The following GALNTL6 variants were observed in gnomAD, a reference collection of about 807,000 sequenced individuals.
GALNTL6 encodes the protein polypeptide N-acetylgalactosaminyltransferase-like 6.
GALNTL6 carries 46 observed loss-of-function variants against 73.7 expected under a neutral mutation model. The ratio of observed to expected loss-of-function variants is 0.62; its 90% CI spans 0.49 to 0.80. The LOEUF (loss-of-function observed/expected upper bound fraction) is 0.80. Among genes scored for constraint, GALNTL6 ranks in the 30% least tolerant of loss-of-function variants. The pLI is 0.00. For missense variants in GALNTL6, 604 were observed against 755.0 expected (o/e 0.80, Z 2.34); for synonymous variants, 259 against 263.7 (o/e 0.98, Z 0.17).
At chr4:172,129,118 T>C (rs756143809) in intron 2 of GALNTL6, among the ~76,000 whole-genome samples, 1 of 152,214 alleles carries the variant, frequency 6.6e-6, no homozygotes, top group Non-Finnish European at 1.5e-5. Flanking sequence ...AGTCATTAAT[T>C]TGAAAGCCCT....
chr4:172,813,399 T>C (rs1741421838), intron 6 of GALNTL6, 141 bp from the exon 7 acceptor site: 2 of 548,578 alleles, frequency 3.6e-6, no homozygotes, highest in Non-Finnish European at 6.3e-6. Flanking sequence ...CAGAGATTCC[T>C]GAAAAGGGCT....
rs1048700060 is a variant in GALNTL6 at position 172,214,136 on chromosome 4, A to G, written c.139-15520A>G. Among the ~76,000 whole-genome samples the G allele has an allele frequency of 3.9e-5, 6 of 152,222 alleles. No individual in the cohort carries two copies. In the East Asian group the frequency reaches 9.7e-4, roughly 24 times the overall value. ...TTGTGCATGTTTATTTCTGGCATCTATATTCTGTTCTGTTGACCTGTGTGT... is the reference window on the plus strand; with the variant it reads ...TTGTGCATGTTTATTTCTGGCATCTGTATTCTGTTCTGTTGACCTGTGTGT... On this transcript the variant is annotated intron_variant, in intron 2 of 12. Coordinates refer to ENST00000506823, the MANE Select transcript of GALNTL6 (RefSeq NM_001034845.3).
intron 2 of GALNTL6, among the ~76,000 whole-genome samples, chr4:172,125,383 A>T (rs1733266739): frequency 6.6e-6 from 1 of 152,200 alleles, no homozygotes. Context: ...ATTTTTTTTA[A>T]ACATATTTCG....
chr4:172,664,345 C>G (rs529455909), intron 5 of GALNTL6, among the ~76,000 whole-genome samples: 1 of 152,330 alleles, frequency 6.6e-6, no homozygotes, highest in Admixed American at 6.5e-5. Context: ...CAGCCTCTGT[C>G]CCTTTAAGTT....
intron 3 of GALNTL6, among the ~76,000 whole-genome samples, chr4:172,255,052 G>T (rs1337463816): frequency 6.6e-6 from 1 of 151,650 alleles, no homozygotes; most frequent in Admixed American, 6.6e-5. Flanking sequence ...TGCTGTAGGG[G>T]TTTATGTCCT....
intron 10 of GALNTL6, 61 bp downstream of exon 10, chr4:172,952,319 C>G: frequency 8.1e-7 from 1 of 1,227,504 alleles, no homozygotes; most frequent in Non-Finnish European, 1.2e-6. Flanking sequence ...CCCCCATAGC[C>G]TCAGGTGGTG....
intron 2 of GALNTL6, among the ~76,000 whole-genome samples, chr4:172,228,439 G>T (rs1004847948): frequency 6.6e-6 from 1 of 151,964 alleles, no homozygotes; most frequent in Admixed American, 6.6e-5. Flanking sequence ...TTTAAGAAAA[G>T]AATATTATGC....
chr4:172,101,324 T>G (rs1732511514), intron 2 of GALNTL6, among the ~76,000 whole-genome samples: 1 of 152,202 alleles, frequency 6.6e-6, no homozygotes, highest in African/African-American at 2.4e-5. Flanking sequence ...AAATTCAGCT[T>G]TTCTCAGAGC....
intron 2 of GALNTL6, among the ~76,000 whole-genome samples, chr4:172,037,238 G>A (rs888977196): frequency 6.6e-6 from 1 of 151,976 alleles, no homozygotes; most frequent in Non-Finnish European, 1.5e-5. Context: ...GTTTATACAT[G>A]GGTTGTTTAG....
At chr4:172,795,078 G>T (rs900631724) in intron 5 of GALNTL6, among the ~76,000 whole-genome samples, 1 of 152,140 alleles carries the variant, frequency 6.6e-6, no homozygotes, top group Admixed American at 6.5e-5. Flanking sequence ...AAAATCCCTC[G>T]CAAAATGGAG....
chr4:172,658,599 T>C (rs1043520581), intron 5 of GALNTL6, among the ~76,000 whole-genome samples: 1 of 151,804 alleles, frequency 6.6e-6, no homozygotes, highest in Non-Finnish European at 1.5e-5. Context: ...AGGAATGAAA[T>C]GTCTTCCCAA....
intron 2 of GALNTL6, among the ~76,000 whole-genome samples, chr4:171,905,762 A>T (rs538418888): frequency 6.6e-6 from 1 of 151,496 alleles, no homozygotes; most frequent in Admixed American, 6.6e-5. Context: ...TCCTCAGCAA[A>T]TATAAAAGAA....
intron 2 of GALNTL6, among the ~76,000 whole-genome samples, chr4:172,177,785 A>AGGTGTATATATATACACACACATATATG (rs1491090289): frequency 1.6e-5 from 1 of 63,994 alleles, no homozygotes; most frequent in Non-Finnish European, 4.1e-5. Flanking sequence ...ATATATACAC[A>AGGTGTATATATATACACACACATATATG]TGTGTATATA....
intron 2 of GALNTL6, among the ~76,000 whole-genome samples, chr4:172,131,403 T>TAA (rs1733488586): frequency 1.8e-5 from 2 of 112,654 alleles, no homozygotes; most frequent in Admixed American, 9.7e-5. Context: ...ACCATGCCTT[T>TAA]AAAATATATA....
At chr4:172,907,692 A>G (rs1285964006) in intron 8 of GALNTL6, among the ~76,000 whole-genome samples, 1 of 152,166 alleles carries the variant, frequency 6.6e-6, no homozygotes, top group African/African-American at 2.4e-5. Flanking sequence ...CCGTCCACAA[A>G]TGTAATGCCT....
chr4:172,118,526 C>T (rs1733050243), intron 2 of GALNTL6, among the ~76,000 whole-genome samples: 1 of 151,788 alleles, frequency 6.6e-6, no homozygotes, highest in South Asian at 2.1e-4. Flanking sequence ...ATGGTGAAAC[C>T]CCGTCTCTAC....
intron 9 of GALNTL6, among the ~76,000 whole-genome samples, chr4:172,947,610 G>C (rs1423114627): frequency 6.6e-6 from 1 of 151,130 alleles, no homozygotes; most frequent in African/African-American, 2.4e-5. Context: ...CATCTTAGCA[G>C]GTCCACCAAT....
chr4:172,227,537 A>C (rs1218592775), intron 2 of GALNTL6, among the ~76,000 whole-genome samples: 1 of 152,134 alleles, frequency 6.6e-6, no homozygotes, highest in Non-Finnish European at 1.5e-5. Context: ...AAAAATGGTC[A>C]ATCTTTATCT....
intron 5 of GALNTL6, among the ~76,000 whole-genome samples, chr4:172,600,203 T>C (rs1738005064): frequency 1.3e-5 from 2 of 152,032 alleles, no homozygotes; most frequent in Admixed American, 6.6e-5. Context: ...CATCAGAGAA[T>C]AACTAGCACC....
Sources: allele counts gnomAD v4.1 joint callset (sites outside exome capture counted in the v4.1 genomes callset), GRCh38; gene constraint gnomAD v4.1.1; transcripts MANE v1.5; gene names NCBI Gene and HGNC (gene_info 2026-07-23, HGNC 2026-07-21).